Variants in SLC28A1 observed in about 807,000 individuals in gnomAD.
SLC28A1 encodes sodium/nucleoside cotransporter 1.
SLC28A1 carries 64 observed loss-of-function variants against 74.8 expected under a neutral mutation model. The ratio of observed to expected loss-of-function variants is 0.86; its 90% CI spans 0.70 to 1.05. The LOEUF is 1.05. SLC28A1 is among the 50% of genes least tolerant of loss of function. The probability of loss-of-function intolerance (pLI) is 0.00; values close to 1 mark genes in which losing one functional copy is unlikely to be tolerated. For synonymous variants in SLC28A1, 359 were observed against 335.0 expected (o/e 1.07, Z -0.78); for missense variants, 828 against 822.8 (o/e 1.01, Z -0.08).
At chr15:84,916,314 T>C (rs1969100469) in intron 9 of SLC28A1, among the ~76,000 whole-genome samples, 2 of 150,356 alleles carry the variant, frequency 1.3e-5, no homozygotes, top group Admixed American at 6.7e-5. Context: ...TGATCATGAC[T>C]TACTGCAGCC....
intron 15 of SLC28A1, among the ~76,000 whole-genome samples, chr15:84,941,916 G>C (rs889436781): frequency 2.0e-5 from 3 of 152,196 alleles, no homozygotes; most frequent in Non-Finnish European, 4.4e-5. Context: ...TCAGAACTGA[G>C]TTCAAATTCT....
chr15:84,937,083 G>A (rs1403143653), intron 15 of SLC28A1, among the ~76,000 whole-genome samples: 1 of 149,734 alleles, frequency 6.7e-6, no homozygotes, highest in East Asian at 1.9e-4. Context: ...GCAAGAGAGA[G>A]TTTACATAGT....
chr15:84,887,930 G>C, intron 3 of SLC28A1, 74 bp downstream of exon 3: 1 of 1,094,450 alleles, frequency 9.1e-7, no homozygotes. Context: ...GAGGTGATGA[G>C]GCTTTTGCTC....
chr15:84,973,332 CA>C, the SLC28A1 span, among the ~76,000 whole-genome samples: 4 of 152,138 alleles, frequency 2.6e-5, no homozygotes, highest in East Asian at 7.7e-4. Context: ...GTGACTTAAG[CA>C]AAAGCAGAAA....
intron 6 of SLC28A1, among the ~76,000 whole-genome samples, chr15:84,902,479 C>CAAA (rs34784696): frequency 2.8e-5 from 4 of 142,010 alleles, no homozygotes; most frequent in African/African-American, 2.6e-5. Flanking sequence ...GACTTTGTCT[C>CAAA]AAAAAAAAAA....
chr15:84,887,689 C>A lies in SLC28A1; in HGVS notation c.-16-56C>A. On this transcript the variant is annotated intron_variant, in intron 2 of 18. Coordinates refer to ENST00000394573, the MANE Select transcript of SLC28A1 (RefSeq NM_004213.5). ...TCTCCCCTTTCCCCGGGCCCCTAAA[C>A]TGGGCCCTGCCCGGCCTCCCTTTCA... The A allele has an allele frequency of 1.9e-6, 3 of 1,585,484 alleles. No homozygotes were observed. In the South Asian group the frequency reaches 3.3e-5, roughly 18 times the overall value.
chr15:84,973,174 C>A, the SLC28A1 span, among the ~76,000 whole-genome samples: 2 of 152,204 alleles, frequency 1.3e-5, no homozygotes, highest in African/African-American at 4.8e-5. Flanking sequence ...ATGCCCTGCT[C>A]CTTCCTCCCA....
rs761967316 is a variant in SLC28A1, at chr15:84,935,530, A to G, written c.1581+12A>G. 15 of 1,609,392 alleles carry G rather than the reference A, an allele frequency of 9.3e-6. No homozygotes were observed. In the Admixed American group the frequency reaches 2.3e-4, roughly 25 times the overall value. On this transcript the variant is annotated intron_variant, in intron 15 of 18. Transcript: ENST00000394573. ...AGCAGTGGATCTCCGTGAGTGTCCC[A>G]GTCCCTTCCCTGCAGCAGGGGGATG... is the stretch of plus-strand genomic sequence containing the variant.
chr15:84,933,366 C>T, intron 13 of SLC28A1, 91 bp downstream of exon 13: 1 of 1,470,710 alleles, frequency 6.8e-7, no homozygotes, highest in Non-Finnish European at 9.3e-7. Flanking sequence ...CCATCACTGT[C>T]TTCCACTAGC....
Position 84,905,531 on chromosome 15 carries a change from G to T in SLC28A1, c.604-8G>T. On this transcript the variant is annotated splice_region_variant and splice_polypyrimidine_tract_variant and intron_variant, in intron 7 of 18. Coordinates refer to ENST00000394573, the MANE Select transcript of SLC28A1 (RefSeq NM_004213.5). The stretch of plus-strand genomic sequence containing the variant: ...CTGAACTCAGCTTTCTGTTGGGTGG[G>T]GTGGTAGGTGTCCTGGAGGGCCGTG... 1.9e-6 allele frequency: 3 copies of T among 1,591,062 alleles called. No individual in the cohort carries two copies. Among genetic ancestry groups the T allele is most frequent in the Non-Finnish European group, 2.6e-6 (3 of 1,159,236 alleles).
intron 11 of SLC28A1, 118 bp from the exon 12 acceptor site, chr15:84,923,867 T>A: frequency 7.3e-7 from 1 of 1,362,248 alleles, no homozygotes; most frequent in Non-Finnish European, 1.0e-6. Flanking sequence ...ACCCTGGTCC[T>A]TACCCCATCC....
intron 12 of SLC28A1, among the ~76,000 whole-genome samples, chr15:84,932,449 C>A (rs1446790720): frequency 6.6e-6 from 1 of 152,170 alleles, no homozygotes; most frequent in Admixed American, 6.5e-5. Flanking sequence ...CACAGCGTGG[C>A]TCCCAGAAGG....
intron 9 of SLC28A1, among the ~76,000 whole-genome samples, chr15:84,911,974 C>T (rs1027164101): frequency 3.9e-5 from 6 of 152,036 alleles, no homozygotes; most frequent in Non-Finnish European, 8.8e-5. Context: ...GTGGGTTTAT[C>T]ATTAACCAGC....
the SLC28A1 span, among the ~76,000 whole-genome samples, chr15:84,963,749 G>A: frequency 6.6e-6 from 1 of 152,168 alleles, no homozygotes. Flanking sequence ...GAGGCAGATG[G>A]TCCAGTTGGT....
intron 3 of SLC28A1, among the ~76,000 whole-genome samples, chr15:84,888,395 A>T: frequency 7.6e-6 from 1 of 132,166 alleles, no homozygotes; most frequent in Non-Finnish European, 1.6e-5. Context: ...ATGCAAGAAT[A>T]CCCACCCCCC....
intron 11 of SLC28A1, among the ~76,000 whole-genome samples, 156 bp from the exon 12 acceptor site, chr15:84,923,829 A>T (rs906284375): frequency 3.3e-5 from 5 of 152,012 alleles, no homozygotes; most frequent in African/African-American, 9.7e-5. Flanking sequence ...GGCAATGCTG[A>T]GGTTCAGAGA....
intron 8 of SLC28A1, 131 bp from the exon 9 acceptor site, chr15:84,908,587 G>C (rs1027881226): frequency 3.0e-5 from 21 of 703,186 alleles, no homozygotes; most frequent in Non-Finnish European, 4.0e-5. Context: ...GCCAGGTGGT[G>C]CCCCCCCCCG....
rs1240377498 is a variant in SLC28A1 at position 84,925,121 on chromosome 15, A to G, written c.1083+1011A>G. On this transcript the variant is annotated intron_variant, in intron 12 of 18. Coordinates refer to ENST00000394573, the MANE Select transcript of SLC28A1 (RefSeq NM_004213.5). ...TTTTTAGTAGAGACAGGGTTTCACC[A>G]TGTTGGCCAGGATGGTCTCGATCTC... Among the ~76,000 whole-genome samples the G allele has an allele frequency of 1.2e-4, 15 of 124,190 alleles. No homozygotes were observed. The Admixed American group carries it at 1.5e-3, about 12-fold the overall frequency. The allele number at this position is 124,190 out of a possible 152,430, so 81.5% of individuals were successfully genotyped here. A position where few individuals can be genotyped will look rare whatever the true frequency, so the allele number is the denominator to read the frequency against.
chr15:84,922,706 C>T (rs1290796747), intron 11 of SLC28A1, among the ~76,000 whole-genome samples: 2 of 152,230 alleles, frequency 1.3e-5, no homozygotes, highest in Non-Finnish European at 2.9e-5. Context: ...CCTCTGTGGC[C>T]CACCTGCCCC....
Sources: gnomAD v4.1 joint callset for allele counts (sites outside exome capture counted in the v4.1 genomes callset) on GRCh38, gnomAD v4.1.1 for gene constraint, MANE v1.5 for transcripts, NCBI Gene and HGNC (gene_info 2026-07-23, HGNC 2026-07-21) for gene names.